COL13A1: variants seen among roughly 807,000 people sequenced by gnomAD.
The protein encoded by COL13A1 is collagen type XIII alpha 1 chain.
Under a neutral mutation model 130.9 loss-of-function variants are expected in COL13A1, and 89 were observed. The ratio of observed to expected loss-of-function variants is 0.68; its 90% CI spans 0.57 to 0.81. The LOEUF (loss-of-function observed/expected upper bound fraction) is 0.81. Ranked by LOEUF, COL13A1 falls within the 30% of genes least tolerant of loss-of-function variation. The pLI is 0.00. For synonymous variants in COL13A1, 402 were observed against 341.6 expected, an observed-to-expected ratio of 1.18 and a Z score of -1.95; for missense variants, 879 against 934.6, an observed-to-expected ratio of 0.94 and a Z score of 0.78.
At chr10:69,956,926 C>T in intron 39 of COL13A1, 78 bp from the exon 40 acceptor site, 2 of 1,135,186 alleles carry the variant, frequency 1.8e-6, no homozygotes, top group Admixed American at 1.7e-5. Flanking sequence ...ATGCGTGTGG[C>T]CCTTGTTACC....
intron 2 of COL13A1, among the ~76,000 whole-genome samples, chr10:69,852,593 G>A (rs7897729): frequency 0.39 from 59,594 of 151,868 alleles, 12,047 homozygotes; most frequent in East Asian, 0.62. Context: ...TGCCTGTCTG[G>A]CTGAGACTCA....
intron 4 of COL13A1, among the ~76,000 whole-genome samples, chr10:69,874,822 C>G (rs932324823): frequency 1.4e-4 from 21 of 152,182 alleles, no homozygotes; most frequent in African/African-American, 4.1e-4. Flanking sequence ...TCTAAGGGAG[C>G]AAGGGCCTTG....
chr10:69,884,131 C>T (rs1289747699), intron 7 of COL13A1, among the ~76,000 whole-genome samples: 6 of 152,078 alleles, frequency 3.9e-5, no homozygotes, highest in African/African-American at 1.4e-4. Flanking sequence ...TTAGAGATGC[C>T]GTAAAGTCCA....
intron 5 of COL13A1, among the ~76,000 whole-genome samples, chr10:69,875,497 C>T (rs1213006831): frequency 1.3e-5 from 2 of 152,212 alleles, no homozygotes; most frequent in East Asian, 1.9e-4. Context: ...AGGACTGCCA[C>T]TCCGCCCCCC....
chr10:69,814,899 C>T (rs1844049252), intron 1 of COL13A1, among the ~76,000 whole-genome samples: 1 of 152,218 alleles, frequency 6.6e-6, no homozygotes, highest in Non-Finnish European at 1.5e-5. Flanking sequence ...TGATATTTTC[C>T]ACCTAAAGTG....
intron 23 of COL13A1, among the ~76,000 whole-genome samples, chr10:69,923,534 G>A (rs1035130620): frequency 2.6e-5 from 4 of 152,210 alleles, no homozygotes; most frequent in Non-Finnish European, 4.4e-5. Context: ...GGGCCTAGGA[G>A]GGCCTGGCAG....
At chr10:69,926,087 C>T (rs1023889706) in intron 26 of COL13A1, 4 of 547,330 alleles carry the variant, frequency 7.3e-6, no homozygotes, top group Middle Eastern at 4.8e-4. Context: ...TCCAGGTGGC[C>T]GGGGCTCTCT....
In COL13A1 at chr10:69,842,861, C is replaced by T. The variant is rs571176250; in HGVS notation, c.364+20423C>T. On this transcript the variant is annotated intron_variant, in intron 2 of 40. Coordinates refer to ENST00000645393, the MANE Select transcript of COL13A1 (RefSeq NM_001368882.1). ...GGTTCCGCTGTGTGAGGGTTTCAGA[C>T]GGGGTCCCGGCAGTGACCCAGCAGC... Among the ~76,000 whole-genome samples the T allele has an allele frequency of 4.9e-4, 75 of 152,316 alleles. 2 individuals carry two copies. In the South Asian group the frequency reaches 8.3e-3, roughly 17 times the overall value.
chr10:69,930,070 G>T lies in COL13A1; in HGVS notation c.1513G>T (p.Gly505Ter). 6.2e-7 allele frequency: 1 copy of T among 1,613,984 alleles called. No individual in the cohort carries two copies. Among genetic ancestry groups the T allele is most frequent in the Non-Finnish European group, 8.5e-7 (1 of 1,179,880 alleles). ...KGEIGLPGPP[G>*]HDGEKGPRGK... is the part of the protein sequence containing the mutation. Reference sequence around the variant, plus strand: ...GGAGATTGGACTGCCAGGCCCTCCAGGACACGATGGGGAAAAGGTATGAAC... The same window carrying T: ...GGAGATTGGACTGCCAGGCCCTCCATGACACGATGGGGAAAAGGTATGAAC... The change falls in exon 29 of 41, where the codon GGA becomes TGA. Residue 505 changes from glycine to a stop codon, truncating the protein, a stop_gained. Coordinates refer to ENST00000645393, the MANE Select transcript of COL13A1 (RefSeq NM_001368882.1). LOFTEE classifies it high-confidence loss of function.
intron 9 of COL13A1, among the ~76,000 whole-genome samples, chr10:69,888,987 G>A (rs545949763): frequency 2.6e-5 from 4 of 152,274 alleles, no homozygotes; most frequent in African/African-American, 7.2e-5. Context: ...CCCGCCACTC[G>A]CCTCTCTCAG....
chr10:69,844,415 C>G (rs909996877), intron 2 of COL13A1, among the ~76,000 whole-genome samples: 4 of 152,204 alleles, frequency 2.6e-5, no homozygotes, highest in Admixed American at 2.6e-4. Flanking sequence ...CTCACCCCAG[C>G]CCCCAGTAAG....
At chr10:69,920,524 C>T (rs2064510184) in intron 21 of COL13A1, among the ~76,000 whole-genome samples, 1 of 152,124 alleles carries the variant, frequency 6.6e-6, no homozygotes, top group South Asian at 2.1e-4. Context: ...TAAATGAGAC[C>T]ATAAGGTCGA....
chr10:69,802,561 G>C lies in COL13A1; in HGVS notation c.138G>C (p.Gly46=). The C allele has an allele frequency of 1.9e-6, 3 of 1,609,648 alleles. No homozygotes were observed. The highest frequency in any genetic ancestry group is 2.2e-5 in the South Asian group (2 of 90,826). Residue 46 remains glycine (G), a synonymous_variant, in exon 1 of 41, where the codon GGG becomes GGC. Coordinates refer to ENST00000645393, the MANE Select transcript of COL13A1 (RefSeq NM_001368882.1). ...GGCTGCCGAGTCCAGGGTCGTGCGGGCTGCTGACGCTGGCCCTCTGCTCGC... is the reference window on the plus strand; with the variant it reads ...GGCTGCCGAGTCCAGGGTCGTGCGGCCTGCTGACGCTGGCCCTCTGCTCGC... The part of the protein sequence containing the change: ...GARLPSPGSC[G]LLTLALCSLA...
At chr10:69,894,851 A>G in intron 12 of COL13A1, 150 bp downstream of exon 12, 1 of 1,050,644 alleles carries the variant, frequency 9.5e-7, no homozygotes, top group Non-Finnish European at 1.4e-6. Context: ...GATTCGGTTG[A>G]CACCGCTCCA....
intron 1 of COL13A1, among the ~76,000 whole-genome samples, chr10:69,818,336 C>T (rs781128227): frequency 6.6e-5 from 10 of 152,298 alleles, no homozygotes; most frequent in Non-Finnish European, 8.8e-5. Context: ...CTATACTCAA[C>T]GGGCTGCTGG....
At chr10:69,935,318 C>G in intron 31 of COL13A1, 32 bp from the exon 32 acceptor site, 4 of 1,564,792 alleles carry the variant, frequency 2.6e-6, no homozygotes, top group Non-Finnish European at 3.5e-6. Context: ...AGGGCCACTT[C>G]AAATGTAACA....
intron 7 of COL13A1, among the ~76,000 whole-genome samples, chr10:69,883,869 C>T (rs2060365191): frequency 6.6e-6 from 1 of 152,200 alleles, no homozygotes; most frequent in Admixed American, 6.5e-5. Flanking sequence ...CAGTGGGAGG[C>T]TGGCTGGAAG....
chr10:69,922,354 G>T (rs1485104193), intron 22 of COL13A1, among the ~76,000 whole-genome samples: 1 of 152,184 alleles, frequency 6.6e-6, no homozygotes. Flanking sequence ...CAGTGATGGG[G>T]TCTGCAAAGC....
intron 2 of COL13A1, among the ~76,000 whole-genome samples, chr10:69,840,997 C>T (rs1056164532): frequency 3.9e-5 from 6 of 152,106 alleles, no homozygotes; most frequent in African/African-American, 1.4e-4. Flanking sequence ...CCGCCTGAAA[C>T]CCTGCAGTGG....
Sources: allele counts gnomAD v4.1 joint callset (sites outside exome capture counted in the v4.1 genomes callset), GRCh38; gene constraint gnomAD v4.1.1; transcripts MANE v1.5; gene names NCBI Gene and HGNC (gene_info 2026-07-23, HGNC 2026-07-21).